Variants in MSI2 observed in about 807,000 individuals in gnomAD.
MSI2 encodes musashi RNA binding protein 2.
A neutral mutation model predicts 45.6 loss-of-function variants in MSI2; 17 were observed. The observed-to-expected ratio is 0.37, with a 90% confidence interval of 0.26 to 0.56. The LOEUF (loss-of-function observed/expected upper bound fraction) is 0.56, where lower values mean the gene tolerates loss of function less well. Ranked by LOEUF, MSI2 falls within the 20% of genes least tolerant of loss-of-function variation. The probability of loss-of-function intolerance (pLI) is 0.77; values close to 1 mark genes in which losing one functional copy is unlikely to be tolerated. For missense variants in MSI2, 293 were observed against 444.2 expected, an observed-to-expected ratio of 0.66 and a Z score of 3.06; for synonymous variants, 156 against 158.2, an observed-to-expected ratio of 0.99 and a Z score of 0.11.
At position 57,652,076 on chromosome 17, in the gene MSI2, A is replaced by G; in HGVS notation, c.728-23A>G. ...CCTTTCAAGGATTCCTCCATGACTC[A>G]GGCTCCTCTCTCTCCTGACCAGGCT... On this transcript the variant is annotated intron_variant, in intron 10 of 13. Transcript: ENST00000284073. The surrounding 1 kb of genome is among the most constrained non-coding windows in gnomAD (Gnocchi z 4.1). The G allele has an allele frequency of 1.2e-6, 2 of 1,612,892 alleles. No homozygotes were observed. Among genetic ancestry groups the G allele is most frequent in the Non-Finnish European group, 1.7e-6 (2 of 1,179,036 alleles).
intron 11 of MSI2, among the ~76,000 whole-genome samples, chr17:57,668,067 C>G (rs149601260): frequency 1.3e-5 from 2 of 152,090 alleles, no homozygotes; most frequent in African/African-American, 4.8e-5. Flanking sequence ...GATTTGATGC[C>G]GCACACCTGT....
intron 8 of MSI2, among the ~76,000 whole-genome samples, chr17:57,600,546 T>C (rs1344161876): frequency 3.3e-5 from 5 of 152,242 alleles, no homozygotes; most frequent in African/African-American, 1.2e-4. Flanking sequence ...GCCCATCTAA[T>C]TGGGTCGGGG....
intron 6 of MSI2, among the ~76,000 whole-genome samples, chr17:57,490,180 A>C (rs1180157839): frequency 1.3e-5 from 2 of 152,236 alleles, no homozygotes; most frequent in Non-Finnish European, 2.9e-5. Context: ...CTAGAGATGC[A>C]GGTGAAATCG....
At chr17:57,597,786 A>G (rs1905402985) in intron 8 of MSI2, among the ~76,000 whole-genome samples, 1 of 152,222 alleles carries the variant, frequency 6.6e-6, no homozygotes, top group Admixed American at 6.5e-5. Flanking sequence ...TATCCTAGAT[A>G]GGAAGTTTAC....
chr17:57,554,275 G>T (rs1232276266), intron 7 of MSI2, among the ~76,000 whole-genome samples: 3 of 152,110 alleles, frequency 2.0e-5, no homozygotes, highest in African/African-American at 7.2e-5. Context: ...GAGAGTCTTG[G>T]CAAGGTAATT....
chr17:57,382,400 A>G (rs1169447226), intron 5 of MSI2, among the ~76,000 whole-genome samples: 4 of 152,202 alleles, frequency 2.6e-5, no homozygotes, highest in Admixed American at 1.3e-4. Flanking sequence ...AGATGGTGAC[A>G]TTTGAGCACA....
downstream of MSI2, among the ~76,000 whole-genome samples, chr17:57,686,869 A>G (rs1186310531): frequency 2.0e-5 from 3 of 152,176 alleles, no homozygotes; most frequent in Non-Finnish European, 4.4e-5. Context: ...AAGACATAGA[A>G]GAATTGAATA....
At chr17:57,578,108 G>A (rs961790035) in intron 7 of MSI2, among the ~76,000 whole-genome samples, 5 of 152,068 alleles carry the variant, frequency 3.3e-5, no homozygotes, top group African/African-American at 4.8e-5. Flanking sequence ...TGCCTCCTCC[G>A]CCCCTGCCCT....
In MSI2 at chr17:57,627,603, T is replaced by A. The variant is rs1441258270; in HGVS notation, c.727+300T>A. The A allele has an allele frequency of 6.7e-6, 3 of 447,086 alleles. No individual in the cohort carries two copies. The highest frequency in any genetic ancestry group is 1.2e-5 in the Non-Finnish European group (3 of 248,998). 27.7% of individuals were successfully genotyped at this position (447,086 alleles called of 1,614,324 possible). A position where few individuals can be genotyped will look rare whatever the true frequency, so the allele number is the denominator to read the frequency against. On this transcript the variant is annotated intron_variant, in intron 10 of 13. Coordinates refer to ENST00000284073, the MANE Select transcript of MSI2 (RefSeq NM_138962.4). This position sits in a 1 kb window ranked among gnomAD's most constrained non-coding sequence, Gnocchi z 4.6. ...TCCTTTTTCTGAAGCCTCTTCCGGG[T>A]TTTTTCTCACTGGGGACTGAACTCT...
chr17:57,293,250 C>G (rs1470720161), intron 5 of MSI2, among the ~76,000 whole-genome samples: 1 of 152,144 alleles, frequency 6.6e-6, no homozygotes, highest in Admixed American at 6.5e-5. Flanking sequence ...ACTCAGGGCC[C>G]TACTGTTGGA....
intron 5 of MSI2, among the ~76,000 whole-genome samples, chr17:57,385,315 T>A (rs1040917640): frequency 6.6e-6 from 1 of 152,128 alleles, no homozygotes; most frequent in African/African-American, 2.4e-5. Flanking sequence ...CATCCTCATC[T>A]CCCCTCAGAC....
intron 6 of MSI2, among the ~76,000 whole-genome samples, chr17:57,473,081 C>T (rs562533767): frequency 9.2e-5 from 14 of 152,214 alleles, no homozygotes; most frequent in African/African-American, 2.4e-4. Flanking sequence ...TTAGTAGAGA[C>T]GGGGTTTCAC....
chr17:57,511,726 T>G (rs114658118), intron 6 of MSI2, among the ~76,000 whole-genome samples: 1,838 of 152,276 alleles, frequency 0.012, 39 homozygotes, highest in African/African-American at 0.041. Flanking sequence ...CCCCAGGCTA[T>G]TTGGCAATGG....
At chr17:57,684,785 C>G (rs1437544908), downstream of MSI2, 1 of 152,254 alleles carries the variant, frequency 6.6e-6, no homozygotes, top group Non-Finnish European at 1.5e-5. Context: ...ATCGCACCTG[C>G]CACCCTCACC....
At chr17:57,314,086 A>G (rs1912641040) in intron 5 of MSI2, among the ~76,000 whole-genome samples, 1 of 152,136 alleles carries the variant, frequency 6.6e-6, no homozygotes, top group Non-Finnish European at 1.5e-5. Context: ...GGGAAGGATC[A>G]TTGCAGGTCT....
intron 5 of MSI2, among the ~76,000 whole-genome samples, chr17:57,388,262 A>G (rs906048662): frequency 6.6e-6 from 1 of 152,330 alleles, no homozygotes; most frequent in African/African-American, 2.4e-5. Flanking sequence ...CCTCAAAGGA[A>G]GTTACTTGTG....
Position 57,376,054 on chromosome 17 carries a change from C to T in MSI2, c.313-25325C>T, listed in dbSNP as rs139686672. ...CTCGCTTTAGGTGATCGGCTATTGA[C>T]GCCAATGTGGGATTAGAGTTCCTTC... On this transcript the variant is annotated intron_variant, in intron 5 of 13. Transcript: ENST00000284073. Among the ~76,000 whole-genome samples the T allele has an allele frequency of 3.2e-3, 491 of 152,272 alleles. 2 individuals carry two copies. The highest frequency in any genetic ancestry group is 0.011 in the African/African-American group (467 of 41,542).
At chr17:57,362,518 G>T (rs1449199065) in intron 5 of MSI2, among the ~76,000 whole-genome samples, 1 of 152,142 alleles carries the variant, frequency 6.6e-6, no homozygotes, top group Non-Finnish European at 1.5e-5. Flanking sequence ...TTGCTAAGTG[G>T]CTGTTGTAAT....
At chr17:57,398,065 T>G (rs907922562) in intron 5 of MSI2, among the ~76,000 whole-genome samples, 2 of 151,942 alleles carry the variant, frequency 1.3e-5, no homozygotes, top group African/African-American at 4.8e-5. Flanking sequence ...GCTGCCTCTG[T>G]GTTTAGGGCT....
Sources: gnomAD v4.1 joint callset for allele counts (sites outside exome capture counted in the v4.1 genomes callset) on GRCh38, gnomAD v4.1.1 for gene constraint, Gnocchi (gnomAD v3.1) non-coding constraint, MANE v1.5 for transcripts, NCBI Gene and HGNC (gene_info 2026-07-23, HGNC 2026-07-21) for gene names.